Variants in TTN observed in about 807,000 individuals in gnomAD.
The protein encoded by TTN is titin.
TTN carries 1,525 observed loss-of-function variants against 3,223.0 expected under a neutral mutation model. The ratio of observed to expected loss-of-function variants is 0.47; its 90% confidence interval spans 0.45 to 0.49. TTN has a LOEUF of 0.49. Among genes scored for constraint, TTN ranks in the 20% least tolerant of loss-of-function variants. The probability of loss-of-function intolerance (pLI) is 0.00; values close to 1 mark genes in which losing one functional copy is unlikely to be tolerated. For synonymous variants in TTN, 14,094 were observed against 15,161.0 expected, an observed-to-expected ratio of 0.93 and a Z score of 5.17; for missense variants, 40,786 against 43,424.0, an observed-to-expected ratio of 0.94 and a Z score of 5.40.
chr2:178,693,058 GC>G (rs1289319302), intron 119 of TTN, among the ~76,000 whole-genome samples: 1 of 151,964 alleles, frequency 6.6e-6, no homozygotes, highest in African/African-American at 2.4e-5. Flanking sequence ...TCCCACCCTG[GC>G]TGTCAAGGTG....
chr2:178,588,165 A>G lies in TTN; in HGVS notation c.63242T>C (p.Ile21081Thr). 6.2e-7 allele frequency: 1 copy of G among 1,605,590 alleles called. No individual in the cohort carries two copies. The highest frequency in any genetic ancestry group is 8.5e-7 in the Non-Finnish European group (1 of 1,173,740). The change falls in exon 305 of 363, where the codon ATA (isoleucine) becomes ACA (threonine). Residue 21081 changes from isoleucine to threonine, a missense_variant. By Grantham distance (89) the Ile-to-Thr change is moderately conservative. Coordinates refer to ENST00000589042, the MANE Select transcript of TTN (RefSeq NM_001267550.2). ...GACTGGTTTTCCCCACCCAAGAGTT[A>G]TGGAATGTTTGGTTGTATCAACCAC... ...FRVVDTTKHS[I>T]TLGWGKPVYD... is the part of the protein sequence containing the mutation.
In TTN at chr2:178,544,220, A is replaced by G. The variant is rs774364063; in HGVS notation, c.96009T>C (p.Ile32003=). Reference sequence around the variant, plus strand: ...AAATACCTATTCTTTCCACGGGCTCAATTTCAGCAATTGATTCGCTGTATT... The same window carrying G: ...AAATACCTATTCTTTCCACGGGCTCGATTTCAGCAATTGATTCGCTGTATT... ...MSEYSESIAE[I]EPVERIEIPD... The change falls in exon 345 of 363, where the codon ATT becomes ATC. Residue 32003 remains isoleucine, a synonymous_variant. Coordinates refer to ENST00000589042, the MANE Select transcript of TTN (RefSeq NM_001267550.2). The G allele has an allele frequency of 6.2e-7, 1 of 1,613,254 alleles. No homozygotes were observed. Among genetic ancestry groups the G allele is most frequent in the South Asian group, 1.1e-5 (1 of 91,068 alleles).
In TTN at chr2:178,594,451, C is replaced by T. The variant is rs530742564; in HGVS notation, c.58043G>A (p.Gly19348Asp). Residue 19348 changes from glycine (G) to aspartate (D), a missense_variant, in exon 296 of 363, where the codon GGC becomes GAC. Transcript: ENST00000589042. ...NLLSRKYTVK[G>D]LKEGDTYEYR... ...CTCATAGGTATCACCTTCTTTTAAG[C>T]CTTTAACAGTGTATTTTCTGCTAAG... 6.2e-7 allele frequency: 1 copy of T among 1,613,250 alleles called. No individual in the cohort carries two copies. The highest frequency in any genetic ancestry group is 8.5e-7 in the Non-Finnish European group (1 of 1,179,548).
rs1211310796 is a variant in TTN at position 178,740,406 on chromosome 2, T to C, written c.12827A>G (p.Gln4276Arg). Residue 4276 changes from glutamine to arginine, a missense_variant, in exon 48 of 363, where the codon CAG (glutamine) becomes CGG (arginine). Coordinates refer to ENST00000589042, the MANE Select transcript of TTN (RefSeq NM_001267550.2). Reference sequence around the variant, plus strand: ...CTGAGAGATCATGACATCAGGACTCTGGAGACTCTCCACGTGTCCCTCAGC... The same window carrying C: ...CTGAGAGATCATGACATCAGGACTCCGGAGACTCTCCACGTGTCCCTCAGC... The part of the protein sequence containing the change: ...SLAEGHVESL[Q>R]SPDVMISQVN... The C allele has an allele frequency of 6.2e-7, 1 of 1,613,226 alleles. No homozygotes were observed.
chr2:178,730,520 G>C lies in TTN; in HGVS notation c.18013C>G (p.His6005Asp). Reference sequence around the variant, plus strand: ...ATTTGCCAACCTTTGACTGTCAGATGCCCACTGCATTGGTTGTGCCCTGCC... The same window carrying C: ...ATTTGCCAACCTTTGACTGTCAGATCCCCACTGCATTGGTTGTGCCCTGCC... ...NKAGHNQCSG[H>D]LTVKEPPYFV... is the part of the protein sequence containing the mutation. Residue 6005 changes from histidine (H) to aspartate (D), a missense_variant, in exon 61 of 363, where the codon CAT becomes GAT. Coordinates refer to ENST00000589042, the MANE Select transcript of TTN (RefSeq NM_001267550.2). 5 of 1,603,646 alleles carry C rather than the reference G, an allele frequency of 3.1e-6. No homozygotes were observed. Among genetic ancestry groups the C allele is most frequent in the Non-Finnish European group, 4.3e-6 (5 of 1,172,384 alleles).
rs72647870 is a variant in TTN, at chr2:178,781,235, C to G, written c.3409G>C (p.Gly1137Arg). ...ATAGAAATCACCAGCTTGCATTCAC[C>G]GGTTTGTTTGTTGTAACTCACTTTG... ...RYKVSYNKQTGECKLVISMTF... is the reference protein window; with the variant it reads ...RYKVSYNKQTRECKLVISMTF... The change falls in exon 21 of 363, where the codon GGT becomes CGT. Residue 1137 changes from glycine to arginine, a missense_variant. Transcript: ENST00000589042. The G allele has an allele frequency of 3.0e-3, 4,869 of 1,613,956 alleles. 10 individuals carry two copies. Among genetic ancestry groups the G allele is most frequent in the Non-Finnish European group, 3.6e-3 (4,291 of 1,179,930 alleles).
intron 15 of TTN, 32 bp downstream of exon 15, chr2:178,785,588 A>G (rs1193945141): frequency 6.2e-7 from 1 of 1,613,394 alleles, no homozygotes; most frequent in African/African-American, 1.3e-5. Flanking sequence ...TTTCCTTTAA[A>G]CATTTCTGTA....
Position 178,651,265 on chromosome 2 carries a change from C to T in TTN, c.39603G>A (p.Lys13201=). The change falls in exon 208 of 363, where the codon AAG becomes AAA. Residue 13201 remains lysine, a synonymous_variant. Coordinates refer to ENST00000589042, the MANE Select transcript of TTN (RefSeq NM_001267550.2). ...TACCTTTTGCTGGTGGGACTTCTGGCTTTTTGGGAACAGCTACTTTCTTTT... is the reference window on the plus strand; with the variant it reads ...TACCTTTTGCTGGTGGGACTTCTGGTTTTTTGGGAACAGCTACTTTCTTTT... The part of the protein sequence containing the change: ...VPEKKVAVPK[K]PEVPPAKVPE... 1 of 1,613,184 alleles carries T rather than the reference C, an allele frequency of 6.2e-7. No homozygotes were observed. The highest frequency in any genetic ancestry group is 8.5e-7 in the Non-Finnish European group (1 of 1,179,428).
intron 313 of TTN, 82 bp downstream of exon 313, chr2:178,582,858 T>C: frequency 8.4e-7 from 1 of 1,185,156 alleles, no homozygotes; most frequent in South Asian, 2.4e-5. Flanking sequence ...ATGAATGTCT[T>C]CTCCCACATT....
Position 178,651,966 on chromosome 2 carries a change from C to T in TTN, c.39297G>A (p.Val13099=). 1 of 1,610,638 alleles carries T rather than the reference C, an allele frequency of 6.2e-7. No homozygotes were observed. The highest frequency in any genetic ancestry group is 8.5e-7 in the Non-Finnish European group (1 of 1,178,304). The change falls in exon 205 of 363, where the codon GTG becomes GTA. Residue 13099 remains valine, a splice_region_variant and synonymous_variant. Transcript: ENST00000589042. ...GGGCAACTTCCTCAGGCTCCTCGAA[C>T]ACTTTAAAGACATGAGCTCATTTTA... ...PPKPESPPPE[V]FEEPEEVALE...
intron 65 of TTN, 54 bp downstream of exon 65, chr2:178,728,835 GTC>G: frequency 6.4e-7 from 1 of 1,571,904 alleles, no homozygotes; most frequent in Admixed American, 1.8e-5. Flanking sequence ...TAGAAATAAT[GTC>G]TGCTAATGAA....
In TTN at chr2:178,577,107, T is replaced by G; in HGVS notation, c.69228A>C (p.Ile23076=). The change falls in exon 324 of 363, where the codon ATA becomes ATC. Residue 23076 remains isoleucine, a synonymous_variant. Coordinates refer to ENST00000589042, the MANE Select transcript of TTN (RefSeq NM_001267550.2). The stretch of plus-strand genomic sequence containing the variant: ...GTCGGCTGGTTTCTCTCTTTTCAAG[T>G]ATATAGGACTTAATTGGTGAGCCGC... ...EDGGSPIKSY[I]LEKRETSRLL... 1 of 1,613,228 alleles carries G rather than the reference T, an allele frequency of 6.2e-7. No homozygotes were observed. The highest frequency in any genetic ancestry group is 1.1e-5 in the South Asian group (1 of 91,054).
chr2:178,681,782 T>C, intron 135 of TTN, 44 bp from the exon 136 acceptor site: 1 of 1,475,744 alleles, frequency 6.8e-7, no homozygotes, highest in Non-Finnish European at 9.2e-7. Flanking sequence ...ACTTAGAATA[T>C]AAGTTTAAAC....
chr2:178,611,111 A>G lies in TTN; in HGVS notation c.51018T>C (p.Asp17006=), dbSNP rs1163818093. Residue 17006 remains aspartate (D), a synonymous_variant, in exon 270 of 363, where the codon GAT becomes GAC. Coordinates refer to ENST00000589042, the MANE Select transcript of TTN (RefSeq NM_001267550.2). ...GAACTTCAAGGTGTGCAGAGATGTG[A>G]TCATTCTTCATTGTTAATCTATCAC... The part of the protein sequence containing the change: ...KASDRLTMKN[D]HISAHLEVPK... 1 of 1,612,698 alleles carries G rather than the reference A, an allele frequency of 6.2e-7. No individual in the cohort carries two copies. Among genetic ancestry groups the G allele is most frequent in the African/African-American group, 1.3e-5 (1 of 74,836 alleles).
intron 312 of TTN, 161 bp downstream of exon 312, chr2:178,583,446 A>G (rs1419495635): frequency 1.1e-6 from 1 of 889,630 alleles, no homozygotes; most frequent in Non-Finnish European, 1.6e-6. Context: ...TTAATTTAGC[A>G]TGTTATTATG....
intron 337 of TTN, 52 bp from the exon 338 acceptor site, chr2:178,549,921 A>G (rs376270256): frequency 1.2e-5 from 18 of 1,541,002 alleles, no homozygotes; most frequent in Non-Finnish European, 1.5e-5. Flanking sequence ...CCATTAAAAT[A>G]CAACTAGGCA....
chr2:178,717,730 G>A lies in TTN; in HGVS notation c.25144C>T (p.Arg8382Cys), dbSNP rs776519143. Residue 8382 changes from arginine to cysteine, a missense_variant, in exon 87 of 363, where the codon CGC becomes TGC. Coordinates refer to ENST00000589042, the MANE Select transcript of TTN (RefSeq NM_001267550.2). ...TGAAGAGGTTCTGAGCCATTGATGCGGCATTCAAATGCAACTGGGAAGCCT... is the reference window on the plus strand; with the variant it reads ...TGAAGAGGTTCTGAGCCATTGATGCAGCATTCAAATGCAACTGGGAAGCCT... Reference protein sequence around the residue: ...TLGFPVAFECRINGSEPLQVS... With the variant: ...TLGFPVAFECCINGSEPLQVS... 1.5e-5 allele frequency: 24 copies of A among 1,613,074 alleles called. No individual in the cohort carries two copies. Among genetic ancestry groups the A allele is most frequent in the Admixed American group, 6.7e-5 (4 of 59,968 alleles).
intron 163 of TTN, among the ~76,000 whole-genome samples, chr2:178,666,296 G>A (rs1293124396): frequency 6.6e-6 from 1 of 151,936 alleles, no homozygotes; most frequent in African/African-American, 2.4e-5. Flanking sequence ...TTGTTCTGGA[G>A]GTTTTAAAGC....
chr2:178,587,573 A>C lies in TTN; in HGVS notation c.63736T>G (p.Leu21246Val). The change falls in exon 306 of 363, where the codon TTA becomes GTA. Residue 21246 changes from leucine (L) to valine (V), a missense_variant. By Grantham distance (32) the Leu-to-Val change is conservative. Coordinates refer to ENST00000589042, the MANE Select transcript of TTN (RefSeq NM_001267550.2). ...TCTCCTGCTGGGTTCACAAGTGTTA[A>C]GGAATATTTTCCTGAGTCATCACGG... ...STRDDSGKYS[L>V]TLVNPAGEKA... The C allele has an allele frequency of 6.2e-7, 1 of 1,612,480 alleles. No individual in the cohort carries two copies. Among genetic ancestry groups the C allele is most frequent in the Non-Finnish European group, 8.5e-7 (1 of 1,179,266 alleles).
Sources: allele counts gnomAD v4.1 joint callset (sites outside exome capture counted in the v4.1 genomes callset), GRCh38; gene constraint gnomAD v4.1.1; transcripts MANE v1.5; gene names NCBI Gene and HGNC (gene_info 2026-07-23, HGNC 2026-07-21).